The following FLI1 variants were observed in gnomAD, a reference collection of about 807,000 sequenced individuals.
FLI1 encodes Fli-1 proto-oncogene, ETS transcription factor.
Under a neutral mutation model 53.1 loss-of-function variants are expected in FLI1, and 13 were observed. The ratio of observed to expected loss-of-function variants is 0.24; its 90% CI spans 0.16 to 0.39. The LOEUF is 0.39. Ranked by LOEUF, FLI1 falls within the 10% of genes least tolerant of loss-of-function variation. FLI1 has a pLI of 1.00. For synonymous variants in FLI1, 244 were observed against 236.7 expected (o/e 1.03, Z -0.28); for missense variants, 424 against 600.5 (o/e 0.71, Z 3.07).
intron 1 of FLI1, among the ~76,000 whole-genome samples, chr11:128,696,886 C>G (rs1271559438): frequency 6.6e-6 from 1 of 152,212 alleles, no homozygotes; most frequent in African/African-American, 2.4e-5. Context: ...GTCTGGATTT[C>G]TTCACAGAAG....
At chr11:128,717,107 G>C (rs1460221934) in intron 1 of FLI1, among the ~76,000 whole-genome samples, 1 of 152,036 alleles carries the variant, frequency 6.6e-6, no homozygotes, top group South Asian at 2.1e-4. Context: ...CGGGGCACAC[G>C]CTGCTCTGGG....
chr11:128,686,607 G>A, exon 1 of FLI1: 2 of 393,596 alleles, frequency 5.1e-6, no homozygotes, highest in South Asian at 1.8e-5. Flanking sequence ...GCGGGTAACC[G>A]AGGCTTCTCC....
At chr11:128,798,398 GA>G (rs34377626) in intron 5 of FLI1, among the ~76,000 whole-genome samples, 10,566 of 152,254 alleles carry the variant, frequency 0.069, 561 homozygotes, top group East Asian at 0.26. Context: ...GTTCAGCAGG[GA>G]GCCTCACGTG....
chr11:128,811,069 G>A lies in FLI1; in HGVS notation c.*81G>A, dbSNP rs1343279660. 5 of 1,303,932 alleles carry A rather than the reference G, an allele frequency of 3.8e-6. No individual in the cohort carries two copies. The African/African-American group carries it at 7.4e-5, about 19-fold the overall frequency. 80.8% of individuals were successfully genotyped at this position (1,303,932 alleles called of 1,614,324 possible). ...GCTTTGGACTCAACAGGACATATGT[G>A]GCCTTGAAGGGAAGACAAAACTGGA... On this transcript the variant is annotated 3_prime_UTR_variant, in exon 9 of 9. Coordinates refer to ENST00000527786, the MANE Select transcript of FLI1 (RefSeq NM_002017.5).
intron 8 of FLI1, 31 bp downstream of exon 8, chr11:128,809,235 T>G (rs769269144): frequency 1.2e-6 from 2 of 1,603,280 alleles, no homozygotes; most frequent in Non-Finnish European, 1.7e-6. Context: ...AAGCCTTTTT[T>G]GCCAGAATGT....
intron 5 of FLI1, among the ~76,000 whole-genome samples, chr11:128,799,052 A>T (rs7952483): frequency 0.69 from 96,762 of 139,550 alleles, 35,564 homozygotes; most frequent in African/African-American, 0.83. Context: ...TATTATTATT[A>T]TTTTGCTTTG....
chr11:128,698,901 T>C (rs567626158), intron 1 of FLI1, among the ~76,000 whole-genome samples: 4 of 152,350 alleles, frequency 2.6e-5, no homozygotes, highest in African/African-American at 7.2e-5. Context: ...AATTTTTGGA[T>C]AGAATTTTTA....
At chr11:128,728,679 C>T (rs1198965239) in intron 1 of FLI1, among the ~76,000 whole-genome samples, 7 of 152,348 alleles carry the variant, frequency 4.6e-5, no homozygotes, top group South Asian at 4.1e-4. Flanking sequence ...TCAAGGCAAA[C>T]GTTCCAGTGC....
intron 1 of FLI1, among the ~76,000 whole-genome samples, chr11:128,705,943 A>C (rs1250109234): frequency 6.6e-6 from 1 of 152,064 alleles, no homozygotes; most frequent in South Asian, 2.1e-4. Flanking sequence ...GTCCCGATGA[A>C]CCCTATGTGC....
chr11:128,772,831 C>A lies in FLI1; in HGVS notation c.435C>A (p.Ala145=), dbSNP rs1227155929. Reference sequence around the variant, plus strand: ...ATGTGAGGCAATGGCTGGAGTGGGCCATAAAGGAGTACAGCTTGATGGAGA... The same window carrying A: ...ATGTGAGGCAATGGCTGGAGTGGGCAATAAAGGAGTACAGCTTGATGGAGA... The part of the protein sequence containing the change: ...QEHVRQWLEW[A]IKEYSLMEID... Residue 145 remains alanine, a synonymous_variant, in exon 4 of 9, where the codon GCC becomes GCA. Coordinates refer to ENST00000527786, the MANE Select transcript of FLI1 (RefSeq NM_002017.5). 1.4e-5 allele frequency: 22 copies of A among 1,613,796 alleles called. No individual in the cohort carries two copies. The highest frequency in any genetic ancestry group is 1.8e-5 in the Non-Finnish European group (21 of 1,179,874).
In FLI1 at chr11:128,763,889, A is replaced by G. The variant is rs1406862472; in HGVS notation, c.231-4229A>G. 3.3e-5 allele frequency among the ~76,000 whole-genome samples: 5 copies of G among 152,344 alleles called. No homozygotes were observed. In the South Asian group the frequency reaches 8.3e-4, roughly 25 times the overall value. On this transcript the variant is annotated intron_variant, in intron 2 of 8. Transcript: ENST00000527786. ...TTGGAATTTGCTTTTAAGTTATTGC[A>G]TCTCCTTTTCAAAAACAAAAAAGTC...
chr11:128,776,868 C>G (rs1941742852), intron 4 of FLI1, among the ~76,000 whole-genome samples: 1 of 151,008 alleles, frequency 6.6e-6, no homozygotes, highest in Non-Finnish European at 1.5e-5. Flanking sequence ...GCCTGCGCCA[C>G]ACAGGCAAGG....
At chr11:128,714,228 G>T (rs952450347) in intron 1 of FLI1, among the ~76,000 whole-genome samples, 1 of 141,978 alleles carries the variant, frequency 7.0e-6, no homozygotes, top group Non-Finnish European at 1.5e-5. Flanking sequence ...AAAAAAAAAC[G>T]GCAACTCTTT....
intron 1 of FLI1, among the ~76,000 whole-genome samples, chr11:128,733,291 A>G (rs1298093112): frequency 2.0e-5 from 3 of 152,106 alleles, no homozygotes; most frequent in African/African-American, 7.2e-5. Context: ...AGAGATTCTA[A>G]TTCACTGGAT....
chr11:128,768,182 C>T lies in FLI1; in HGVS notation c.295C>T (p.Pro99Ser). ...GCTGGTGGGCGGAGGCGAGTCCAAC[C>T]CCATGAACTACAACAGCTATATGGA... ...SKLVGGGESN[P>S]MNYNSYMDEK... is the part of the protein sequence containing the mutation. The change falls in exon 3 of 9, where the codon CCC becomes TCC. Residue 99 changes from proline (P) to serine (S), a missense_variant. Pro to Ser is a moderately conservative substitution (Grantham distance 74, BLOSUM62 -1). This residue lies in a region of FLI1 where 137 missense variants were observed against 169.1 expected (regional missense o/e 0.81). Transcript: ENST00000527786. The T allele has an allele frequency of 6.2e-7, 1 of 1,613,866 alleles. No individual in the cohort carries two copies. Among genetic ancestry groups the T allele is most frequent in the Non-Finnish European group, 8.5e-7 (1 of 1,179,838 alleles).
chr11:128,810,564 C>G lies in FLI1; in HGVS notation c.935C>G (p.Thr312Arg). 6.2e-7 allele frequency: 1 copy of G among 1,613,132 alleles called. No homozygotes were observed. Among genetic ancestry groups the G allele is most frequent in the Non-Finnish European group, 8.5e-7 (1 of 1,179,538 alleles). Residue 312 changes from threonine to arginine, a missense_variant, in exon 9 of 9, where the codon ACG becomes AGG. Around this residue, in one of 5 missense-constraint regions of FLI1, gnomAD observed 71 missense variants for 174.2 expected, o/e 0.41. Coordinates refer to ENST00000527786, the MANE Select transcript of FLI1 (RefSeq NM_002017.5). The surrounding 1 kb of genome is among the most constrained non-coding windows in gnomAD (Gnocchi z 6.6). ...WEGTNGEFKMTDPDEVARRWG... is the reference protein window; with the variant it reads ...WEGTNGEFKMRDPDEVARRWG... ...GGGACCAACGGGGAGTTCAAAATGA[C>G]GGACCCCGATGAGGTGGCCAGGCGC...
rs1169017962 is a variant in FLI1 at position 128,781,683 on chromosome 11, A to G, written c.590-275A>G. 3.9e-5 allele frequency among the ~76,000 whole-genome samples: 6 copies of G among 152,308 alleles called. No homozygotes were observed. In the East Asian group the frequency reaches 1.2e-3, roughly 29 times the overall value. On this transcript the variant is annotated intron_variant, in intron 4 of 8. Coordinates refer to ENST00000527786, the MANE Select transcript of FLI1 (RefSeq NM_002017.5). ...GCACAGACCACAGCGCTTCAGAACT[A>G]TGAATATGGCAGCTTAGGGGGCGTG...
intron 1 of FLI1, 47 bp downstream of exon 1, chr11:128,694,323 G>A: frequency 7.7e-7 from 1 of 1,298,190 alleles, no homozygotes. Flanking sequence ...CGGCCGGGGA[G>A]GCGAAGCGGC....
chr11:128,774,911 A>G (rs1941685997), intron 4 of FLI1, among the ~76,000 whole-genome samples: 3 of 140,936 alleles, frequency 2.1e-5, no homozygotes, highest in African/African-American at 7.7e-5. Context: ...CTTCTATTGG[A>G]GAAGAGCAGA....
Sources: allele counts gnomAD v4.1 joint callset (sites outside exome capture counted in the v4.1 genomes callset), GRCh38; gene constraint gnomAD v4.1.1; regional missense constraint gnomAD v4.1.1; non-coding constraint Gnocchi (gnomAD v3.1); transcripts MANE v1.5; gene names NCBI Gene and HGNC (gene_info 2026-07-23, HGNC 2026-07-21).